NEK1: variants seen among roughly 807,000 people sequenced by gnomAD.
NEK1 encodes the protein NIMA related kinase 1, also known as serine/threonine-protein kinase Nek1.
Under a neutral mutation model 182.1 loss-of-function variants are expected in NEK1, and 137 were observed. The observed-to-expected ratio is 0.75, with a 90% CI of 0.65 to 0.87. NEK1 has a LOEUF of 0.87. Ranked by LOEUF, NEK1 falls within the 40% of genes least tolerant of loss-of-function variation. The probability of loss-of-function intolerance (pLI) is 0.00; values close to 1 mark genes in which losing one functional copy is unlikely to be tolerated. For synonymous variants in NEK1, 513 were observed against 492.2 expected (o/e 1.04, Z -0.56); for missense variants, 1,391 against 1,494.4 (o/e 0.93, Z 1.14).
At chr4:169,482,481 C>CTTT (rs913643124) in intron 23 of NEK1, among the ~76,000 whole-genome samples, 1 of 141,786 alleles carries the variant, frequency 7.1e-6, no homozygotes, top group African/African-American at 2.6e-5. Context: ...TTCTTTCTTT[C>CTTT]TTTTTTTTTT....
chr4:169,495,148 G>A (rs1750938160), intron 23 of NEK1, among the ~76,000 whole-genome samples: 1 of 151,542 alleles, frequency 6.6e-6, no homozygotes, highest in South Asian at 2.1e-4. Context: ...TGGTGTTTTA[G>A]ACATGAAGTC....
intron 19 of NEK1, among the ~76,000 whole-genome samples, chr4:169,524,947 A>C (rs936527085): frequency 6.6e-6 from 1 of 152,216 alleles, no homozygotes; most frequent in South Asian, 2.1e-4. Context: ...CTTATGGCCA[A>C]GCAAAGCCAC....
chr4:169,548,858 G>C (rs1760959261), intron 18 of NEK1, among the ~76,000 whole-genome samples: 1 of 152,242 alleles, frequency 6.6e-6, no homozygotes, highest in Non-Finnish European at 1.5e-5. Flanking sequence ...TCAGACTGCT[G>C]TGCCGGCATC....
At chr4:169,537,950 G>T in intron 18 of NEK1, 39 bp from the exon 19 acceptor site, 2 of 1,384,002 alleles carry the variant, frequency 1.4e-6, no homozygotes, top group Non-Finnish European at 2.0e-6. Flanking sequence ...ATCCTGAACA[G>T]AAAATATTCT....
intron 23 of NEK1, among the ~76,000 whole-genome samples, chr4:169,487,714 T>C (rs1223315289): frequency 6.6e-6 from 1 of 152,234 alleles, no homozygotes; most frequent in Non-Finnish European, 1.5e-5. Flanking sequence ...GTGTACCTGC[T>C]TCTAGATCTT....
chr4:169,544,750 A>G lies in NEK1; in HGVS notation c.1563-6839T>C, dbSNP rs188925855. ...TCTAGGAATTTATCCATTTCTTCAG[A>G]TTTTCTAGTTTATTTGTGTAGAGGT... On this transcript the variant is annotated intron_variant, in intron 18 of 35. Transcript: ENST00000507142. 1.2e-3 allele frequency among the ~76,000 whole-genome samples: 181 copies of G among 150,132 alleles called. 1 individual carries two copies. The highest frequency in any genetic ancestry group is 2.3e-3 in the Non-Finnish European group (157 of 67,536).
At chr4:169,493,647 T>C (rs541398055) in intron 23 of NEK1, among the ~76,000 whole-genome samples, 36 of 152,268 alleles carry the variant, frequency 2.4e-4, no homozygotes, top group African/African-American at 7.5e-4. Context: ...CAAAATACAG[T>C]TGGAAGCCTT....
At chr4:169,428,374 T>TATATA (rs1328733911) in intron 29 of NEK1, among the ~76,000 whole-genome samples, 10 of 24,434 alleles carry the variant, frequency 4.1e-4, no homozygotes, top group African/African-American at 8.2e-4. Context: ...ATATATATAA[T>TATATA]GGAATATTAT....
rs1293612900 is a variant in NEK1 at position 169,570,521 on chromosome 4, C to T, written c.1020+6407G>A. 4.0e-5 allele frequency among the ~76,000 whole-genome samples: 6 copies of T among 150,724 alleles called. No individual in the cohort carries two copies. The East Asian group carries it at 6.0e-4, about 15-fold the overall frequency. On this transcript the variant is annotated intron_variant, in intron 12 of 35. Transcript: ENST00000507142. ...AAGGGAGGTGGGGGGGTCAGCCCCC[C>T]GCCCGGCCAGCATACCCGTCCGGGA...
intron 32 of NEK1, among the ~76,000 whole-genome samples, chr4:169,405,243 C>T (rs1295221308): frequency 6.6e-6 from 1 of 152,146 alleles, no homozygotes; most frequent in African/African-American, 2.4e-5. Context: ...CAAAGTAGAG[C>T]CTGTTTACTC....
intron 2 of NEK1, among the ~76,000 whole-genome samples, chr4:169,603,152 T>A (rs57900656): frequency 6.6e-6 from 1 of 152,134 alleles, no homozygotes; most frequent in Non-Finnish European, 1.5e-5. Context: ...TTAGGATAAA[T>A]TCTGAATTCA....
At chr4:169,443,546 C>A (rs1328825803) in intron 27 of NEK1, among the ~76,000 whole-genome samples, 1 of 151,234 alleles carries the variant, frequency 6.6e-6, no homozygotes, top group Admixed American at 6.6e-5. Context: ...TTGTAAAGTG[C>A]CCAAATATTC....
In NEK1 at chr4:169,564,659, T is replaced by C. The variant is rs542700608; in HGVS notation, c.1021-2463A>G. Among the ~76,000 whole-genome samples, 141 of 152,264 alleles carry C rather than the reference T, an allele frequency of 9.3e-4. 1 individual carries two copies. Among genetic ancestry groups the C allele is most frequent in the African/African-American group, 3.3e-3 (137 of 41,574 alleles). On this transcript the variant is annotated intron_variant, in intron 12 of 35. Transcript: ENST00000507142. ...CTGAAAACAATTCAAGAGGATAACA[T>C]TTCTGCTTTAGAAAGCAATGGTATA...
chr4:169,587,504 C>T (rs1431367708), intron 9 of NEK1, 55 bp downstream of exon 9: 1 of 969,250 alleles, frequency 1.0e-6, no homozygotes, highest in Non-Finnish European at 1.5e-6. Context: ...ATAATAAAAA[C>T]ATTATAGTCG....
chr4:169,589,612 T>C (rs1768102614), intron 6 of NEK1, 98 bp from the exon 7 acceptor site: 2 of 756,720 alleles, frequency 2.6e-6, no homozygotes, highest in South Asian at 1.8e-5. Context: ...TTAAAAAAAT[T>C]GTGCTAGAGT....
intron 19 of NEK1, 112 bp from the exon 20 acceptor site, chr4:169,508,964 T>C (rs935864754): frequency 2.5e-6 from 2 of 800,020 alleles, no homozygotes; most frequent in South Asian, 1.9e-5. Flanking sequence ...TGACCATTTA[T>C]TGATGATAAA....
At chr4:169,580,374 G>A (rs531019980) in intron 11 of NEK1, among the ~76,000 whole-genome samples, 19 of 151,164 alleles carry the variant, frequency 1.3e-4, no homozygotes, top group African/African-American at 3.9e-4. Context: ...GGTGGATGCC[G>A]GTAATCCCAG....
intron 19 of NEK1, among the ~76,000 whole-genome samples, chr4:169,513,111 G>A (rs772662852): frequency 6.6e-5 from 10 of 151,964 alleles, no homozygotes; most frequent in Non-Finnish European, 1.2e-4. Flanking sequence ...TTTAAAATAA[G>A]CCTGTCTATA....
At chr4:169,521,016 G>A (rs1755889417) in intron 19 of NEK1, among the ~76,000 whole-genome samples, 3 of 72,836 alleles carry the variant, frequency 4.1e-5, no homozygotes, top group African/African-American at 1.1e-4. Context: ...AGGCCTCCTT[G>A]AGCTGTGGTG....
Sources: allele counts gnomAD v4.1 joint callset (sites outside exome capture counted in the v4.1 genomes callset), GRCh38; gene constraint gnomAD v4.1.1; transcripts MANE v1.5; gene names NCBI Gene and HGNC (gene_info 2026-07-23, HGNC 2026-07-21).